MEGF10: variants seen among roughly 807,000 people sequenced by gnomAD.
MEGF10 encodes the protein multiple EGF like domains 10, also known as multiple epidermal growth factor-like domains protein 10.
MEGF10 carries 86 observed loss-of-function variants against 147.5 expected under a neutral mutation model. That is an observed-to-expected ratio of 0.58 (90% confidence interval 0.49 to 0.70). The LOEUF (loss-of-function observed/expected upper bound fraction) is 0.70. MEGF10 is among the 30% of genes least tolerant of loss of function. MEGF10 has a pLI of 0.00. For missense variants in MEGF10, 1,329 were observed against 1,487.3 expected, an observed-to-expected ratio of 0.89 and a Z score of 1.75; for synonymous variants, 478 against 525.5, an observed-to-expected ratio of 0.91 and a Z score of 1.24.
chr5:127,239,226 G>A, the MEGF10 span, among the ~76,000 whole-genome samples: 25 of 151,820 alleles, frequency 1.6e-4, no homozygotes, highest in African/African-American at 6.1e-4. Flanking sequence ...CCTGGATCGG[G>A]GGGAAAAAAC....
chr5:127,313,932 T>C (rs1175753227), intron 1 of MEGF10, among the ~76,000 whole-genome samples: 1 of 152,206 alleles, frequency 6.6e-6, no homozygotes, highest in Non-Finnish European at 1.5e-5. Context: ...ATGATACACC[T>C]CATGTTTTAC....
At chr5:127,231,642 C>G in the MEGF10 span, among the ~76,000 whole-genome samples, 1 of 152,076 alleles carries the variant, frequency 6.6e-6, no homozygotes, top group African/African-American at 2.4e-5. Context: ...TGTTCATTAC[C>G]ACTTTCCAAG....
chr5:127,385,888 T>C (rs1457609514), intron 5 of MEGF10, among the ~76,000 whole-genome samples: 3 of 152,200 alleles, frequency 2.0e-5, no homozygotes, highest in Non-Finnish European at 4.4e-5. Flanking sequence ...GAGCACTGCT[T>C]GAGGCCAGGA....
the MEGF10 span, among the ~76,000 whole-genome samples, chr5:127,243,748 G>T: frequency 1.3e-5 from 2 of 152,134 alleles, no homozygotes; most frequent in African/African-American, 4.8e-5. Flanking sequence ...GCTAGAGGTG[G>T]TAGTAAATGA....
the MEGF10 span, among the ~76,000 whole-genome samples, chr5:127,274,133 G>C: frequency 6.6e-6 from 1 of 151,944 alleles, no homozygotes; most frequent in Non-Finnish European, 1.5e-5. Context: ...CCCAGAATGT[G>C]GTGTTTTCTA....
the MEGF10 span, among the ~76,000 whole-genome samples, chr5:127,285,309 A>G: frequency 6.6e-6 from 1 of 152,166 alleles, no homozygotes; most frequent in East Asian, 1.9e-4. Context: ...CTGCATATAC[A>G]AAAATGGAAT....
At chr5:127,429,210 G>C (rs1237041592) in intron 13 of MEGF10, among the ~76,000 whole-genome samples, 1 of 152,130 alleles carries the variant, frequency 6.6e-6, no homozygotes, top group African/African-American at 2.4e-5. Context: ...ACTTCTGAAG[G>C]AATTTCCTTA....
At chr5:127,275,391 T>TCC in the MEGF10 span, among the ~76,000 whole-genome samples, 1 of 152,150 alleles carries the variant, frequency 6.6e-6, no homozygotes, top group African/African-American at 2.4e-5. Context: ...TTAGAGTCTC[T>TCC]ATCTATCAGA....
intron 1 of MEGF10, among the ~76,000 whole-genome samples, chr5:127,301,738 T>G (rs1244355641): frequency 6.6e-6 from 1 of 152,236 alleles, no homozygotes; most frequent in Non-Finnish European, 1.5e-5. Context: ...CTTCAAAGAT[T>G]GTTGCATTTA....
chr5:127,255,215 A>T, the MEGF10 span, among the ~76,000 whole-genome samples: 1 of 152,116 alleles, frequency 6.6e-6, no homozygotes, highest in Non-Finnish European at 1.5e-5. Context: ...AAATCATCTC[A>T]AAAGACCAAT....
At chr5:127,373,453 A>G (rs139509482) in intron 5 of MEGF10, among the ~76,000 whole-genome samples, 1 of 152,244 alleles carries the variant, frequency 6.6e-6, no homozygotes, top group East Asian at 1.9e-4. Flanking sequence ...CGCCCAACCC[A>G]TTGTGTCCCT....
At chr5:127,419,000 AG>A (rs1458015922) in intron 10 of MEGF10, 119 bp from the exon 11 acceptor site, 3 of 1,220,644 alleles carry the variant, frequency 2.5e-6, no homozygotes, top group African/African-American at 3.0e-5. Context: ...TTAAAAATAC[AG>A]TGTGTTAAAA....
chr5:127,326,937 G>A (rs1214993842), intron 1 of MEGF10, among the ~76,000 whole-genome samples: 1 of 152,064 alleles, frequency 6.6e-6, no homozygotes, highest in Non-Finnish European at 1.5e-5. Flanking sequence ...CCCCTCTGTT[G>A]TTTCAAAAAT....
intron 16 of MEGF10, 63 bp downstream of exon 16, chr5:127,435,552 G>A (rs1765527320): frequency 2.7e-6 from 4 of 1,485,218 alleles, no homozygotes; most frequent in Non-Finnish European, 3.6e-6. Context: ...GATTCTTTAG[G>A]ATTGAAGTAT....
At chr5:127,295,045 C>A (rs1759437332) in intron 1 of MEGF10, among the ~76,000 whole-genome samples, 1 of 152,042 alleles carries the variant, frequency 6.6e-6, no homozygotes, top group Admixed American at 6.6e-5. Context: ...TAAAAACCAA[C>A]TTTGCTCTGT....
intron 3 of MEGF10, among the ~76,000 whole-genome samples, chr5:127,339,644 G>A (rs1157805350): frequency 3.3e-5 from 5 of 151,966 alleles, no homozygotes; most frequent in African/African-American, 1.2e-4. Context: ...TTCTATAAAT[G>A]TGAACACAGA....
chr5:127,240,225 A>G, the MEGF10 span, among the ~76,000 whole-genome samples: 1 of 152,182 alleles, frequency 6.6e-6, no homozygotes, highest in Non-Finnish European at 1.5e-5. Context: ...TCATTCTTTA[A>G]ATATCAGTTC....
chr5:127,404,028 A>T (rs905874626), intron 8 of MEGF10, among the ~76,000 whole-genome samples: 5 of 152,182 alleles, frequency 3.3e-5, no homozygotes, highest in East Asian at 1.9e-4. Context: ...ACTGTTCTCC[A>T]TAGTGGTTGT....
At chr5:127,310,021 T>C (rs1473678851) in intron 1 of MEGF10, among the ~76,000 whole-genome samples, 3,339 of 28,988 alleles carry the variant, frequency 0.12, 712 homozygotes, top group African/African-American at 0.3. Flanking sequence ...TTTCTTTTTT[T>C]CTTTCTTTCT....
Sources: gnomAD v4.1 joint callset for allele counts (sites outside exome capture counted in the v4.1 genomes callset) on GRCh38, gnomAD v4.1.1 for gene constraint, MANE v1.5 for transcripts, NCBI Gene and HGNC (gene_info 2026-07-23, HGNC 2026-07-21) for gene names.